Variants in BIRC6 observed in about 807,000 individuals in gnomAD.
BIRC6 encodes the protein baculoviral IAP repeat containing 6.
In BIRC6, 98 loss-of-function variants were observed where a neutral mutation model predicts 503.3. The ratio of observed to expected loss-of-function variants is 0.19; its 90% CI spans 0.17 to 0.23. BIRC6 has a LOEUF of 0.23. Ranked by LOEUF, BIRC6 falls within the 10% of genes least tolerant of loss-of-function variation. The pLI is 1.00. For missense variants in BIRC6, 5,360 were observed against 5,806.0 expected, an observed-to-expected ratio of 0.92 and a Z score of 2.50; for synonymous variants, 2,240 against 2,078.7, an observed-to-expected ratio of 1.08 and a Z score of -2.11.
At chr2:32,557,911 A>G (rs895363198) in intron 65 of BIRC6, 1 of 152,220 alleles carries the variant, frequency 6.6e-6, no homozygotes, top group African/African-American at 2.4e-5. Context: ...AAATTGCTAG[A>G]AAATGTATTT....
intron 61 of BIRC6, among the ~76,000 whole-genome samples, chr2:32,537,853 C>G (rs1167611376): frequency 6.6e-6 from 1 of 151,848 alleles, no homozygotes; most frequent in East Asian, 1.9e-4. Context: ...GTAGTCCCAG[C>G]TACTCTGGAG....
chr2:32,533,129 T>C (rs2056919205), intron 61 of BIRC6, among the ~76,000 whole-genome samples: 1 of 152,180 alleles, frequency 6.6e-6, no homozygotes, highest in Non-Finnish European at 1.5e-5. Context: ...ATAAGCAGAC[T>C]TGGTAGACAT....
chr2:32,612,900 T>G (rs756414297), intron 73 of BIRC6, among the ~76,000 whole-genome samples: 1 of 152,234 alleles, frequency 6.6e-6, no homozygotes, highest in Non-Finnish European at 1.5e-5. Flanking sequence ...ACAGATTGTC[T>G]TCTTTCACCG....
At chr2:32,485,521 C>A in intron 39 of BIRC6, 122 bp from the exon 40 acceptor site, 1 of 612,808 alleles carries the variant, frequency 1.6e-6, no homozygotes, top group Non-Finnish European at 2.9e-6. Context: ...TGTTAGGTGG[C>A]TGTTCTGTAA....
intron 66 of BIRC6, among the ~76,000 whole-genome samples, chr2:32,592,723 G>A (rs573119346): frequency 2.2e-4 from 34 of 152,076 alleles, no homozygotes; most frequent in Non-Finnish European, 4.0e-4. Context: ...AGCCTCCCCA[G>A]TAGCTGGGAT....
chr2:32,414,739 A>C (rs1339996999), intron 9 of BIRC6, 30 bp from the exon 10 acceptor site: 2 of 1,551,758 alleles, frequency 1.3e-6, no homozygotes, highest in African/African-American at 1.4e-5. Flanking sequence ...GAGTAGAAAC[A>C]TATCTAATGA....
At chr2:32,480,702 C>T (rs894382017) in intron 37 of BIRC6, among the ~76,000 whole-genome samples, 5 of 122,878 alleles carry the variant, frequency 4.1e-5, no homozygotes, top group African/African-American at 9.5e-5. Flanking sequence ...AGCACAATGG[C>T]GTGATCTCAG....
chr2:32,388,019 T>G (rs2038724949), intron 3 of BIRC6, among the ~76,000 whole-genome samples: 1 of 152,166 alleles, frequency 6.6e-6, no homozygotes, highest in African/African-American at 2.4e-5. Context: ...AATTAACATA[T>G]CTATCAACTC....
chr2:32,603,970 A>C (rs894351412), intron 71 of BIRC6, among the ~76,000 whole-genome samples: 1 of 151,966 alleles, frequency 6.6e-6, no homozygotes, highest in African/African-American at 2.4e-5. Flanking sequence ...GCTTGGTATA[A>C]GTAAAATAAA....
intron 1 of BIRC6, among the ~76,000 whole-genome samples, chr2:32,365,906 A>G (rs541914415): frequency 4.8e-4 from 72 of 151,312 alleles, no homozygotes; most frequent in African/African-American, 1.6e-3. Context: ...ATTTTTTGAG[A>G]TGAATTCTTG....
chr2:32,370,139 C>T (rs2035721267), intron 1 of BIRC6, among the ~76,000 whole-genome samples: 1 of 150,388 alleles, frequency 6.6e-6, no homozygotes, highest in Admixed American at 6.6e-5. Flanking sequence ...CTTATGTGTC[C>T]CAAGACGTTG....
intron 9 of BIRC6, among the ~76,000 whole-genome samples, chr2:32,412,294 C>T (rs1225936361): frequency 6.6e-6 from 1 of 151,808 alleles, no homozygotes; most frequent in African/African-American, 2.4e-5. Flanking sequence ...GTCAGGAGTT[C>T]GACACTAGCC....
At chr2:32,380,746 G>C (rs1378969927) in intron 3 of BIRC6, among the ~76,000 whole-genome samples, 2 of 151,974 alleles carry the variant, frequency 1.3e-5, no homozygotes, top group African/African-American at 4.8e-5. Flanking sequence ...AAAGAAAAAA[G>C]TTGAAACTTT....
Position 32,525,427 on chromosome 2 carries a change from T to C in BIRC6, c.11756-37T>C, listed in dbSNP as rs1351448032. ...CACTGTTTTCCTTCATATTAGTGTG[T>C]TGACTATGTAGAATCTTACTGATCC... On this transcript the variant is annotated intron_variant, in intron 58 of 73. Transcript: ENST00000421745. 6.2e-6 allele frequency: 10 copies of C among 1,609,594 alleles called. No individual in the cohort carries two copies. The Admixed American group carries it at 1.3e-4, about 21-fold the overall frequency.
At chr2:32,406,644 T>G in intron 9 of BIRC6, 87 bp downstream of exon 9, 1 of 893,254 alleles carries the variant, frequency 1.1e-6, no homozygotes, top group Non-Finnish European at 1.7e-6. Context: ...CTGAATTTCT[T>G]AGTTAATGCT....
intron 13 of BIRC6, among the ~76,000 whole-genome samples, 187 bp downstream of exon 13, chr2:32,433,991 A>C (rs1180220921): frequency 6.6e-6 from 1 of 152,208 alleles, no homozygotes; most frequent in African/African-American, 2.4e-5. Context: ...GTAACCCAGT[A>C]ATGTTCAGAA....
intron 65 of BIRC6, among the ~76,000 whole-genome samples, chr2:32,550,330 T>C (rs1262680125): frequency 6.6e-6 from 1 of 152,156 alleles, no homozygotes; most frequent in Non-Finnish European, 1.5e-5. Flanking sequence ...GGTAAAAATA[T>C]TAGTATTTCA....
chr2:32,380,000 TTTAA>T (rs754017367), intron 2 of BIRC6, among the ~76,000 whole-genome samples, 149 bp from the exon 3 acceptor site: 26 of 152,234 alleles, frequency 1.7e-4, no homozygotes, highest in Non-Finnish European at 2.9e-5. Flanking sequence ...TAAATTATTG[TTTAA>T]TTAAGTAGAT....
At chr2:32,566,750 T>A (rs1573053566) in intron 65 of BIRC6, among the ~76,000 whole-genome samples, 2 of 152,340 alleles carry the variant, frequency 1.3e-5, no homozygotes, top group Admixed American at 1.3e-4. Flanking sequence ...TCCTGCAGCA[T>A]AGATATTTTC....
Sources: gnomAD v4.1 joint callset for allele counts (sites outside exome capture counted in the v4.1 genomes callset) on GRCh38, gnomAD v4.1.1 for gene constraint, MANE v1.5 for transcripts, NCBI Gene and HGNC (gene_info 2026-07-23, HGNC 2026-07-21) for gene names.